Variants in TEX11 observed in about 807,000 individuals in gnomAD.
The protein encoded by TEX11 is testis-expressed protein 11.
TEX11 carries 7 observed loss-of-function variants against 84.4 expected under a neutral mutation model. The ratio of observed to expected loss-of-function variants is 0.08; its 90% CI spans 0.05 to 0.16. The LOEUF is 0.16. Ranked by LOEUF, TEX11 falls within the 10% of genes least tolerant of loss-of-function variation. The pLI is 1.00. For missense variants in TEX11, 551 were observed against 660.5 expected (o/e 0.83, Z 1.82); for synonymous variants, 264 against 222.8 (o/e 1.18, Z -1.64).
chrX:70,790,031 C>A (rs183745533), intron 9 of TEX11, among the ~76,000 whole-genome samples: 3 of 112,114 alleles, frequency 2.7e-5, no homozygotes, highest in Non-Finnish European at 5.6e-5. Context: ...AAGTCCAGCA[C>A]GGAGAGTCAA....
chrX:70,617,070 C>T (rs1436838250), intron 20 of TEX11, among the ~76,000 whole-genome samples: 1 of 109,906 alleles, frequency 9.1e-6, no homozygotes, highest in Non-Finnish European at 1.9e-5. Context: ...CCCCATGTAC[C>T]CTGAAGTGAT....
At chrX:70,893,329 A>AACGG (rs1602217191) in intron 2 of TEX11, among the ~76,000 whole-genome samples, 1 of 111,767 alleles carries the variant, frequency 8.9e-6, no homozygotes, top group Admixed American at 9.6e-5. Context: ...AATGCAAAAG[A>AACGG]ACGGAAATCA....
intron 8 of TEX11, among the ~76,000 whole-genome samples, chrX:70,811,863 T>C (rs2091257003): frequency 8.9e-6 from 1 of 112,102 alleles, no homozygotes; most frequent in African/African-American, 3.2e-5. Context: ...GCCCACTTGT[T>C]GATGGGGTTG....
intron 4 of TEX11, among the ~76,000 whole-genome samples, chrX:70,870,917 G>T (rs2091626390): frequency 9.0e-6 from 1 of 110,975 alleles, no homozygotes; most frequent in Non-Finnish European, 1.9e-5. Flanking sequence ...CTGATTTTTT[G>T]GGGGGAGGGG....
intron 28 of TEX11, among the ~76,000 whole-genome samples, chrX:70,539,861 A>G (rs1322963490): frequency 1.8e-5 from 2 of 111,626 alleles, no homozygotes; most frequent in Non-Finnish European, 3.8e-5. Flanking sequence ...GGTGCTAGAG[A>G]TGCCAACAGA....
chrX:70,558,393 T>C (rs150487970), intron 25 of TEX11, among the ~76,000 whole-genome samples: 1,289 of 111,333 alleles, frequency 0.012, 16 homozygotes, highest in African/African-American at 0.04. Context: ...AGTTAGACCC[T>C]CACCTCATAG....
At chrX:70,523,054 G>A in the TEX11 span, among the ~76,000 whole-genome samples, 4 of 110,502 alleles carry the variant, frequency 3.6e-5, no homozygotes, top group East Asian at 1.1e-3. Flanking sequence ...AGTCCATTTG[G>A]GGCACGTAGT....
intron 2 of TEX11, among the ~76,000 whole-genome samples, chrX:70,885,053 A>C (rs1569460852): frequency 9.0e-6 from 1 of 111,031 alleles, no homozygotes; most frequent in Non-Finnish European, 1.9e-5. Context: ...GAGCTGGTAC[A>C]TGCCATAGCT....
At chrX:70,709,172 A>T (rs2090404156) in intron 13 of TEX11, among the ~76,000 whole-genome samples, 1 of 111,579 alleles carries the variant, frequency 9.0e-6, no homozygotes, top group Admixed American at 9.6e-5. Context: ...TTACAGGGAT[A>T]TTCAACCTGA....
rs760128028 is a variant in TEX11 at position 70,859,100 on chromosome X, T to C, written c.324+1757A>G. Among the ~76,000 whole-genome samples the C allele has an allele frequency of 4.7e-4, 52 of 110,544 alleles. No individual in the cohort carries two copies. In the South Asian group the frequency reaches 7.7e-3, roughly 16 times the overall value. ...CAGGAGTTTGCTATTTGAGGAGATA[T>C]AGAAGAAACAAGAGTGGCCATGAGT... On this transcript the variant is annotated intron_variant, in intron 5 of 29. Transcript: ENST00000374333.
intron 13 of TEX11, among the ~76,000 whole-genome samples, chrX:70,709,673 A>C (rs1344839350): frequency 9.0e-6 from 1 of 111,340 alleles, no homozygotes; most frequent in Non-Finnish European, 1.9e-5. Flanking sequence ...AATGTGTAGA[A>C]TCTAGATAGC....
At chrX:70,735,672 A>G (rs2090690342) in intron 11 of TEX11, among the ~76,000 whole-genome samples, 1 of 112,484 alleles carries the variant, frequency 8.9e-6, no homozygotes, top group East Asian at 2.8e-4. Context: ...CAGATTCAAC[A>G]AATTCCCTAC....
At chrX:70,567,178 T>C (rs1308464560) in intron 25 of TEX11, among the ~76,000 whole-genome samples, 1 of 111,309 alleles carries the variant, frequency 9.0e-6, no homozygotes, top group Non-Finnish European at 1.9e-5. Flanking sequence ...CTAGATTTTC[T>C]AGTTTATTTG....
chrX:70,554,577 G>C, intron 26 of TEX11, 74 bp downstream of exon 26: 1 of 1,004,940 alleles, frequency 1.0e-6, no homozygotes, highest in Non-Finnish European at 1.3e-6. Flanking sequence ...TAAGAAAGAA[G>C]AGTAAAGAGA....
chrX:70,578,375 A>G (rs895298662), intron 25 of TEX11, among the ~76,000 whole-genome samples: 1 of 112,006 alleles, frequency 8.9e-6, no homozygotes, highest in African/African-American at 3.2e-5. Context: ...CTAGTCACTG[A>G]TGGGTGGGAA....
intron 24 of TEX11, among the ~76,000 whole-genome samples, chrX:70,592,865 A>T (rs61349458): frequency 0.13 from 14,325 of 110,860 alleles, 765 homozygotes; most frequent in Middle Eastern, 0.2. Flanking sequence ...GTAAAAAATC[A>T]TGGAGATTTT....
chrX:70,537,242 G>A (rs748116750), intron 28 of TEX11, among the ~76,000 whole-genome samples: 36 of 111,409 alleles, frequency 3.2e-4, no homozygotes, highest in South Asian at 2.3e-3. Context: ...AAGTTTTTAC[G>A]AGATTAGAAA....
At chrX:70,859,580 C>CA (rs760041212) in intron 5 of TEX11, among the ~76,000 whole-genome samples, 855 of 34,679 alleles carry the variant, frequency 0.025, 14 homozygotes, top group African/African-American at 0.035. Context: ...AGATCCTGTC[C>CA]AAAAAAAAAA....
chrX:70,542,907 C>T (rs369916180), intron 28 of TEX11, among the ~76,000 whole-genome samples: 7 of 112,260 alleles, frequency 6.2e-5, no homozygotes, highest in African/African-American at 1.3e-4. Flanking sequence ...GCAGGCTGGG[C>T]GCGGTGGCTC....
Sources: allele counts gnomAD v4.1 joint callset (sites outside exome capture counted in the v4.1 genomes callset), GRCh38; gene constraint gnomAD v4.1.1; transcripts MANE v1.5; gene names NCBI Gene and HGNC (gene_info 2026-07-23, HGNC 2026-07-21).